Variants in ME3 observed in about 807,000 individuals in gnomAD.
ME3 encodes malic enzyme 3, also known as NADP-dependent malic enzyme, mitochondrial.
Under a neutral mutation model 68.9 loss-of-function variants are expected in ME3, and 48 were observed. That is an observed-to-expected ratio of 0.70 (90% confidence interval 0.55 to 0.89). ME3 has a LOEUF of 0.89. Among genes scored for constraint, ME3 ranks in the 40% least tolerant of loss-of-function variants. The probability of loss-of-function intolerance (pLI) is 0.00; values close to 1 mark genes in which losing one functional copy is unlikely to be tolerated. For synonymous variants in ME3, 320 were observed against 318.8 expected, an observed-to-expected ratio of 1.00 and a Z score of -0.04; for missense variants, 675 against 797.4, an observed-to-expected ratio of 0.85 and a Z score of 1.85.
intron 6 of ME3, among the ~76,000 whole-genome samples, chr11:86,488,388 CCT>C (rs1416761482): frequency 6.6e-6 from 1 of 152,052 alleles, no homozygotes; most frequent in Non-Finnish European, 1.5e-5. Flanking sequence ...CCTCCCCCTT[CCT>C]CTCTTACTTC....
Position 86,575,260 on chromosome 11 carries a change from C to G in ME3, c.184-15437G>C, listed in dbSNP as rs1441785636. 2.0e-5 allele frequency among the ~76,000 whole-genome samples: 3 copies of G among 147,226 alleles called. 1 individual carries two copies. The highest frequency in any genetic ancestry group is 4.5e-5 in the Non-Finnish European group (3 of 67,146). ...CCTCATGCTTGCTGTCACCTCCACC[C>G]CACGTAAGCTTCTGGTTCCAAGTTA... On this transcript the variant is annotated intron_variant, in intron 2 of 14. Coordinates refer to ENST00000543262, the Ensembl canonical transcript of ME3.
intron 2 of ME3, among the ~76,000 whole-genome samples, chr11:86,568,942 C>T (rs1957631582): frequency 6.6e-6 from 1 of 152,220 alleles, no homozygotes; most frequent in Non-Finnish European, 1.5e-5. Context: ...GGTTAACATA[C>T]AATACCAATC....
intron 8 of ME3, among the ~76,000 whole-genome samples, chr11:86,463,728 C>T (rs1052875696): frequency 6.6e-6 from 1 of 152,122 alleles, no homozygotes; most frequent in African/African-American, 2.4e-5. Flanking sequence ...ATGACAAATA[C>T]AAAAAGTCGT....
At chr11:86,642,420 A>C (rs1036813003) in intron 2 of ME3, among the ~76,000 whole-genome samples, 12 of 152,234 alleles carry the variant, frequency 7.9e-5, no homozygotes, top group Non-Finnish European at 1.8e-4. Context: ...TGTACTCAGC[A>C]AATTGGTGCT....
chr11:86,495,923 T>C (rs1228880977), intron 6 of ME3, among the ~76,000 whole-genome samples: 1 of 152,200 alleles, frequency 6.6e-6, no homozygotes, highest in African/African-American at 2.4e-5. Context: ...GTCATGGTAC[T>C]GGGAACCAAG....
intron 8 of ME3, chr11:86,462,616 C>A (rs1245914223): frequency 1.6e-6 from 2 of 1,287,136 alleles, no homozygotes; most frequent in South Asian, 2.5e-5. Flanking sequence ...GTGTAGACAT[C>A]ATTCATATAT....
At chr11:86,585,120 C>A (rs1958659942) in intron 2 of ME3, among the ~76,000 whole-genome samples, 1 of 150,638 alleles carries the variant, frequency 6.6e-6, no homozygotes, top group Non-Finnish European at 1.5e-5. Context: ...GGTGCACAGA[C>A]AGGACCAAGA....
At chr11:86,443,078 C>T (rs533390436) in intron 13 of ME3, among the ~76,000 whole-genome samples, 159 bp from the exon 14 acceptor site, 27 of 152,260 alleles carry the variant, frequency 1.8e-4, no homozygotes, top group Admixed American at 1.6e-3. Flanking sequence ...AATGCTTGGG[C>T]GTAAGAGAGG....
intron 8 of ME3, among the ~76,000 whole-genome samples, chr11:86,460,665 TG>T (rs1285935848): frequency 6.6e-6 from 1 of 152,254 alleles, no homozygotes; most frequent in Non-Finnish European, 1.5e-5. Flanking sequence ...TTTACAACTA[TG>T]ATTCTGCATC....
At chr11:86,642,082 C>G (rs890880920) in intron 2 of ME3, among the ~76,000 whole-genome samples, 2 of 152,164 alleles carry the variant, frequency 1.3e-5, no homozygotes, top group African/African-American at 4.8e-5. Flanking sequence ...ACACTTAGCC[C>G]ATAGAGGGCC....
intron 13 of ME3, among the ~76,000 whole-genome samples, chr11:86,446,058 A>G (rs1949266890): frequency 6.6e-6 from 1 of 152,108 alleles, no homozygotes; most frequent in South Asian, 2.1e-4. Context: ...AGTATGAGGC[A>G]TGTCTCCTCC....
At chr11:86,495,567 A>C (rs750553808) in intron 6 of ME3, among the ~76,000 whole-genome samples, 10 of 152,252 alleles carry the variant, frequency 6.6e-5, no homozygotes, top group African/African-American at 2.4e-4. Flanking sequence ...GAAAGGAAGA[A>C]TAAAACAAAG....
At chr11:86,475,874 T>TATATATATAGAGAGAGAGAGAGAGAG in intron 7 of ME3, among the ~76,000 whole-genome samples, 6 of 91,464 alleles carry the variant, frequency 6.6e-5, no homozygotes, top group African/African-American at 2.0e-4. Context: ...TATATATATA[T>TATATATATAGAGAGAGAGAGAGAGAG]AGAGAGAGAG....
chr11:86,645,849 G>T (rs73528019), intron 2 of ME3, among the ~76,000 whole-genome samples: 13,597 of 152,202 alleles, frequency 0.089, 655 homozygotes, highest in Non-Finnish European at 0.11. Flanking sequence ...GCTTCCAGAC[G>T]AAGGAACAGG....
chr11:86,639,984 A>G (rs1475993971), intron 2 of ME3, among the ~76,000 whole-genome samples: 1 of 152,180 alleles, frequency 6.6e-6, no homozygotes, highest in East Asian at 1.9e-4. Context: ...AACATCTTCT[A>G]TTGGGCAGAG....
chr11:86,565,630 G>A (rs1390817007), intron 2 of ME3, among the ~76,000 whole-genome samples: 1 of 152,030 alleles, frequency 6.6e-6, no homozygotes, highest in East Asian at 1.9e-4. Flanking sequence ...AGACACAAAA[G>A]GACAACTCTA....
Position 86,532,782 on chromosome 11 carries a change from T to C in ME3, c.467+23771A>G, listed in dbSNP as rs530643470. ...TACATCAAAAAAGAAGAAAGGGCTC[T>C]GGCGTGGTGGCTTACGCCTGTAACC... is the stretch of plus-strand genomic sequence containing the variant. On this transcript the variant is annotated intron_variant, in intron 4 of 14. Transcript: ENST00000543262. 4.6e-5 allele frequency among the ~76,000 whole-genome samples: 7 copies of C among 152,352 alleles called. No individual in the cohort carries two copies. In the South Asian group the frequency reaches 1.4e-3, roughly 32 times the overall value.
intron 2 of ME3, among the ~76,000 whole-genome samples, chr11:86,563,115 GCA>G (rs988924479): frequency 6.5e-4 from 99 of 152,206 alleles, no homozygotes; most frequent in Admixed American, 6.3e-3. Flanking sequence ...ATTGTGAATA[GCA>G]CAGTGATGAA....
intron 6 of ME3, among the ~76,000 whole-genome samples, chr11:86,494,342 G>A (rs1952182001): frequency 6.6e-6 from 1 of 152,184 alleles, no homozygotes. Flanking sequence ...ACCCCTTGGA[G>A]CAGTGCACCA....
Sources: gnomAD v4.1 joint callset for allele counts (sites outside exome capture counted in the v4.1 genomes callset) on GRCh38, gnomAD v4.1.1 for gene constraint, MANE v1.5 for transcripts, NCBI Gene and HGNC (gene_info 2026-07-23, HGNC 2026-07-21) for gene names.